Variants in AGAP3 observed in about 807,000 individuals in gnomAD.
The protein encoded by AGAP3 is arf-GAP with GTPase, ANK repeat and PH domain-containing protein 3.
In AGAP3, 24 loss-of-function variants were observed where a neutral mutation model predicts 96.9. That is an observed-to-expected ratio of 0.25 (90% confidence interval 0.18 to 0.35). AGAP3 has a LOEUF of 0.35. Among genes scored for constraint, AGAP3 ranks in the 10% least tolerant of loss-of-function variants. The pLI, the probability that AGAP3 is intolerant of heterozygous loss-of-function variation, is 1.00. For synonymous variants in AGAP3, 563 were observed against 536.1 expected, an observed-to-expected ratio of 1.05 and a Z score of -0.69; for missense variants, 876 against 1,254.2, an observed-to-expected ratio of 0.70 and a Z score of 4.55.
intron 10 of AGAP3, among the ~76,000 whole-genome samples, chr7:151,129,672 GC>G (rs1800323620): frequency 6.6e-6 from 1 of 152,160 alleles, no homozygotes; most frequent in African/African-American, 2.4e-5. Context: ...AGTGCAGCCA[GC>G]TCCTGAGCTC....
Position 151,108,360 on chromosome 7 carries a change from C to T in AGAP3, c.332-8433C>T, listed in dbSNP as rs368861691. Among the ~76,000 whole-genome samples, 3 of 152,174 alleles carry T rather than the reference C, an allele frequency of 2.0e-5. No homozygotes were observed. The highest frequency in any genetic ancestry group is 4.8e-5 in the African/African-American group (2 of 41,438). ...ATTTTCGGCTGGAATGACAGCCACT[C>T]CCACCCCCACCCTGGGGTAATCTCA... On this transcript the variant is annotated intron_variant, in intron 1 of 17. Transcript: ENST00000397238. This position sits in a 1 kb window ranked among gnomAD's most constrained non-coding sequence, Gnocchi z 4.2.
chr7:151,126,360 CAGAG>C (rs1563500305), intron 9 of AGAP3, among the ~76,000 whole-genome samples: 1 of 9,106 alleles, frequency 1.1e-4, no homozygotes, highest in Non-Finnish European at 1.6e-4. Context: ...CAGAGCGGAG[CAGAG>C]CAGAGCGGAG....
chr7:151,087,134 G>C (rs760592167), intron 1 of AGAP3, 62 bp downstream of exon 1: 1 of 1,513,820 alleles, frequency 6.6e-7, no homozygotes, highest in South Asian at 1.2e-5. Context: ...CCGGCCGAGG[G>C]CTCCACAGGC....
chr7:151,118,193 C>T lies in AGAP3; in HGVS notation c.707-17C>T, dbSNP rs1280563208. ...TCTCCGAAAGCTGAATGACTCCCGC[C>T]CTCCCACCTCCAACAGATGCCATCA... On this transcript the variant is annotated splice_polypyrimidine_tract_variant and intron_variant, in intron 5 of 17. Coordinates refer to ENST00000397238, the MANE Select transcript of AGAP3 (RefSeq NM_031946.7). The surrounding 1 kb of genome is among the most constrained non-coding windows in gnomAD (Gnocchi z 6.1). The T allele has an allele frequency of 1.9e-6, 3 of 1,596,776 alleles. No individual in the cohort carries two copies. Among genetic ancestry groups the T allele is most frequent in the East Asian group, 2.2e-5 (1 of 44,464 alleles).
intron 1 of AGAP3, among the ~76,000 whole-genome samples, chr7:151,101,053 G>A (rs746744964): frequency 2.0e-5 from 3 of 152,144 alleles, no homozygotes; most frequent in Non-Finnish European, 4.4e-5. Context: ...CACCTCCCCC[G>A]CTGGCACGCG....
intron 1 of AGAP3, among the ~76,000 whole-genome samples, chr7:151,101,997 T>C (rs2150424404): frequency 6.6e-6 from 1 of 152,084 alleles, no homozygotes; most frequent in Middle Eastern, 3.4e-3. Flanking sequence ...ACCCCAAAAC[T>C]TGAGCAAGGG....
intron 9 of AGAP3, among the ~76,000 whole-genome samples, chr7:151,124,407 C>T (rs112186770): frequency 0.015 from 2,300 of 152,348 alleles, 23 homozygotes; most frequent in Non-Finnish European, 0.023. Flanking sequence ...TCCACACCTC[C>T]GGTCTTGGAT....
intron 1 of AGAP3, among the ~76,000 whole-genome samples, chr7:151,104,000 C>T (rs970823474): frequency 2.0e-5 from 3 of 151,992 alleles, no homozygotes; most frequent in East Asian, 3.9e-4. Flanking sequence ...GCCTTAGTGC[C>T]GTGGCGGGGG....
At chr7:151,115,773 C>T (rs141962119) in intron 1 of AGAP3, 12,907 of 497,054 alleles carry the variant, frequency 0.026, 205 homozygotes, top group Non-Finnish European at 0.032. Context: ...GAGTGTCGTC[C>T]GCGCCTGGCG....
In AGAP3 at chr7:151,108,524, C is replaced by A. The variant is rs950702139; in HGVS notation, c.332-8269C>A. Among the ~76,000 whole-genome samples, 1 of 152,152 alleles carries A rather than the reference C, an allele frequency of 6.6e-6. No homozygotes were observed. Among genetic ancestry groups the A allele is most frequent in the African/African-American group, 2.4e-5 (1 of 41,438 alleles). On this transcript the variant is annotated intron_variant, in intron 1 of 17. Coordinates refer to ENST00000397238, the MANE Select transcript of AGAP3 (RefSeq NM_031946.7). This position sits in a 1 kb window ranked among gnomAD's most constrained non-coding sequence, Gnocchi z 4.2. ...CAAAGTCACTGGGGAGCTCTCAGAC[C>A]GACATCCTGACCTCTGGAGATGGGG...
chr7:151,120,288 C>A, intron 8 of AGAP3, 143 bp downstream of exon 8: 1 of 912,860 alleles, frequency 1.1e-6, no homozygotes, highest in Non-Finnish European at 1.6e-6. Context: ...ACACACGGCT[C>A]CCGAGGGTCC....
chr7:151,121,682 C>T (rs1423140008), intron 8 of AGAP3, among the ~76,000 whole-genome samples: 1 of 152,214 alleles, frequency 6.6e-6, no homozygotes. Flanking sequence ...CTGCTCACGG[C>T]ACGGCCTTCC....
intron 1 of AGAP3, chr7:151,115,673 G>A: frequency 1.8e-6 from 2 of 1,132,954 alleles, no homozygotes; most frequent in Non-Finnish European, 1.1e-6. Context: ...GCGTCTGGCA[G>A]AAAACAGCTC....
chr7:151,113,065 G>A lies in AGAP3; in HGVS notation c.332-3728G>A, dbSNP rs566478290. Among the ~76,000 whole-genome samples the A allele has an allele frequency of 2.7e-4, 41 of 152,312 alleles. 1 individual carries two copies. The South Asian group carries it at 5.6e-3, about 21-fold the overall frequency. On this transcript the variant is annotated intron_variant, in intron 1 of 17. Coordinates refer to ENST00000397238, the MANE Select transcript of AGAP3 (RefSeq NM_031946.7). Reference sequence around the variant, plus strand: ...TTGCATTTTCACTGGCTTGCAGGATGAGCTTGTGAGTGGGCAGCCTTATTC... The same window carrying A: ...TTGCATTTTCACTGGCTTGCAGGATAAGCTTGTGAGTGGGCAGCCTTATTC...
chr7:151,105,853 C>A (rs1395993854), intron 1 of AGAP3, among the ~76,000 whole-genome samples: 3 of 118,284 alleles, frequency 2.5e-5, no homozygotes, highest in African/African-American at 9.5e-5. Context: ...GCCACCCACC[C>A]ATGCTAGGTA....
chr7:151,126,434 G>A (rs1800179964), intron 9 of AGAP3, among the ~76,000 whole-genome samples: 1 of 147,648 alleles, frequency 6.8e-6, no homozygotes, highest in South Asian at 2.2e-4. Flanking sequence ...GGCTGGGAGA[G>A]GCTGGGAGAG....
At chr7:151,105,787 CG>C (rs1799024539) in intron 1 of AGAP3, among the ~76,000 whole-genome samples, 2 of 56,214 alleles carry the variant, frequency 3.6e-5, no homozygotes, top group Non-Finnish European at 7.1e-5. Context: ...CCCCCCCCCC[CG>C]ACACCACACA....
chr7:151,097,279 C>T (rs1328031059), intron 1 of AGAP3, among the ~76,000 whole-genome samples: 1 of 151,454 alleles, frequency 6.6e-6, no homozygotes, highest in Admixed American at 6.6e-5. Context: ...ACCTGTAATC[C>T]CAGCACTTTG....
At chr7:151,115,944 C>T (rs532486489) in intron 1 of AGAP3, among the ~76,000 whole-genome samples, 70 of 152,270 alleles carry the variant, frequency 4.6e-4, no homozygotes, top group South Asian at 3.9e-3. Context: ...CCTCCGGTTG[C>T]CCCTGTGCAT....
Sources: allele counts gnomAD v4.1 joint callset (sites outside exome capture counted in the v4.1 genomes callset), GRCh38; gene constraint gnomAD v4.1.1; non-coding constraint Gnocchi (gnomAD v3.1); transcripts MANE v1.5; gene names NCBI Gene and HGNC (gene_info 2026-07-23, HGNC 2026-07-21).